The following PCDHGA7 variants were observed in gnomAD, a reference collection of about 807,000 sequenced individuals.
PCDHGA7 encodes protocadherin gamma subfamily A, 7, also known as protocadherin gamma-A7.
PCDHGA7 carries 44 observed loss-of-function variants against 58.3 expected under a neutral mutation model. The ratio of observed to expected loss-of-function variants is 0.75; its 90% CI spans 0.59 to 0.97. PCDHGA7 has a LOEUF of 0.97. PCDHGA7 is among the 50% of genes least tolerant of loss of function. The pLI is 0.00. For missense variants in PCDHGA7, 1,266 were observed against 1,188.7 expected (o/e 1.06, Z -0.96); for synonymous variants, 516 against 504.2 (o/e 1.02, Z -0.31).
At chr5:141,390,146 T>C (rs2092063198) in intron 1 of PCDHGA7, 1 of 1,614,026 alleles carries the variant, frequency 6.2e-7, no homozygotes, top group Non-Finnish European at 8.5e-7. Context: ...ATCTATGTGT[T>C]GCACATACAG....
chr5:141,415,269 G>T, intron 1 of PCDHGA7: 1 of 1,614,228 alleles, frequency 6.2e-7, no homozygotes, highest in African/African-American at 1.3e-5. Flanking sequence ...TGTACCTGGT[G>T]GTAGCGGTGG....
chr5:141,423,382 C>G, intron 1 of PCDHGA7: 1 of 1,614,118 alleles, frequency 6.2e-7, no homozygotes, highest in Non-Finnish European at 8.5e-7. Flanking sequence ...CAGGCTGTGG[C>G]GCTGGCATAA....
intron 1 of PCDHGA7, among the ~76,000 whole-genome samples, chr5:141,445,320 A>G (rs1462989860): frequency 1.3e-5 from 2 of 152,188 alleles, no homozygotes; most frequent in Non-Finnish European, 2.9e-5. Flanking sequence ...GGTTGAGAGA[A>G]CCCATCCAGA....
chr5:141,404,754 A>G, intron 1 of PCDHGA7: 1 of 1,612,286 alleles, frequency 6.2e-7, no homozygotes, highest in Non-Finnish European at 8.5e-7. Flanking sequence ...TCAGGCCAGA[A>G]TGCTTGGCTC....
chr5:141,444,900 T>C (rs997464788), intron 1 of PCDHGA7, among the ~76,000 whole-genome samples: 1 of 152,182 alleles, frequency 6.6e-6, no homozygotes, highest in Non-Finnish European at 1.5e-5. Context: ...TGGGATGGCA[T>C]TGCATCTATA....
intron 1 of PCDHGA7, chr5:141,408,762 A>G (rs369793035): frequency 1.9e-5 from 30 of 1,610,942 alleles, no homozygotes; most frequent in Non-Finnish European, 2.3e-5. Flanking sequence ...GTTAATTCCG[A>G]TGGTGGCAAA....
chr5:141,418,360 G>T (rs544948410), intron 1 of PCDHGA7: 4 of 1,613,990 alleles, frequency 2.5e-6, no homozygotes, highest in Non-Finnish European at 3.4e-6. Flanking sequence ...TGAATTCGCT[G>T]AGCAAATACC....
Position 141,431,581 on chromosome 5 carries a change from T to C in PCDHGA7, c.2424+46258T>C. The C allele has an allele frequency of 1.2e-6, 2 of 1,614,160 alleles. No individual in the cohort carries two copies. Among genetic ancestry groups the C allele is most frequent in the Non-Finnish European group, 1.7e-6 (2 of 1,180,022 alleles). ...CTACCGACCCTGACGAAGGAGTCAA[T>C]GCGGAAGTGAGGTATTCCTTCCGGT... On this transcript the variant is annotated intron_variant, in intron 1 of 3. Transcript: ENST00000518325. This position sits in a 1 kb window ranked among gnomAD's most constrained non-coding sequence, Gnocchi z 4.8.
At chr5:141,386,834 G>A (rs1253552836) in intron 1 of PCDHGA7, among the ~76,000 whole-genome samples, 1 of 152,192 alleles carries the variant, frequency 6.6e-6, no homozygotes, top group East Asian at 1.9e-4. Context: ...GCAATGGAGA[G>A]ACATAATCAC....
At chr5:141,473,010 AAAAG>A (rs1014377988) in intron 1 of PCDHGA7, among the ~76,000 whole-genome samples, 22 of 151,958 alleles carry the variant, frequency 1.4e-4, no homozygotes, top group Admixed American at 7.9e-4. Context: ...AAGAAAAAGA[AAAAG>A]AAAGAAGGAA....
Position 141,477,657 on chromosome 5 carries a change from G to C in PCDHGA7, c.2425-17150G>C. 4 of 1,614,190 alleles carry C rather than the reference G, an allele frequency of 2.5e-6. No individual in the cohort carries two copies. Among genetic ancestry groups the C allele is most frequent in the Non-Finnish European group, 3.4e-6 (4 of 1,180,038 alleles). The stretch of plus-strand genomic sequence containing the variant: ...GTGGGTCGCTATTTCACAATAAATC[G>C]TGACAATGGCATAGTGTCATCCTTA... On this transcript the variant is annotated intron_variant, in intron 1 of 3. Coordinates refer to ENST00000518325, the MANE Select transcript of PCDHGA7 (RefSeq NM_018920.4). The surrounding 1 kb of genome is among the most constrained non-coding windows in gnomAD (Gnocchi z 4.9).
chr5:141,466,118 G>A lies in PCDHGA7; in HGVS notation c.2425-28689G>A, dbSNP rs1299389265. ...GCCTGGGCAACAGAGTGAGACTCCA[G>A]CTCAAAAAAAAAATCAAGTGAAAAC... On this transcript the variant is annotated intron_variant, in intron 1 of 3. Coordinates refer to ENST00000518325, the MANE Select transcript of PCDHGA7 (RefSeq NM_018920.4). Among the ~76,000 whole-genome samples the A allele has an allele frequency of 2.0e-5, 3 of 151,096 alleles. No individual in the cohort carries two copies. The East Asian group carries it at 5.8e-4, about 29-fold the overall frequency.
Position 141,489,779 on chromosome 5 carries a change from T to C in PCDHGA7, c.2425-5028T>C, listed in dbSNP as rs1269302289. 1.9e-6 allele frequency: 3 copies of C among 1,614,168 alleles called. No homozygotes were observed. Among genetic ancestry groups the C allele is most frequent in the Non-Finnish European group, 2.5e-6 (3 of 1,179,996 alleles). On this transcript the variant is annotated intron_variant, in intron 1 of 3. Coordinates refer to ENST00000518325, the MANE Select transcript of PCDHGA7 (RefSeq NM_018920.4). The surrounding 1 kb of genome is among the most constrained non-coding windows in gnomAD (Gnocchi z 4.5). ...CTAAGCCCCAACAGCCACTTCTCTC[T>C]GAATGTGAAGACCCTAAAAGATGGG...
Position 141,489,555 on chromosome 5 carries a change from A to G in PCDHGA7, c.2425-5252A>G, listed in dbSNP as rs909307566. ...GAGCCAGCACCAGCTGCCTGCTGCC[A>G]GTGCAGGTGGTGACTGAACACCCCC... is the stretch of plus-strand genomic sequence containing the variant. On this transcript the variant is annotated intron_variant, in intron 1 of 3. Transcript: ENST00000518325. The surrounding 1 kb of genome is among the most constrained non-coding windows in gnomAD (Gnocchi z 4.5). 2.5e-6 allele frequency: 4 copies of G among 1,613,998 alleles called. No homozygotes were observed. The African/African-American group carries it at 5.3e-5, about 22-fold the overall frequency.
chr5:141,479,860 C>T (rs1374284598), intron 1 of PCDHGA7, among the ~76,000 whole-genome samples: 2 of 152,108 alleles, frequency 1.3e-5, no homozygotes, highest in Admixed American at 6.5e-5. Context: ...AAGGCCTTTG[C>T]CCTGGAGAGA....
rs1177173734 is a variant in PCDHGA7, at chr5:141,491,741, G to A, written c.2425-3066G>A. ...CCGCCCCGGGCGACCCCTGGGGGCG[G>A]CACTGGAGAAGCCGCCCGTCCTCAT... On this transcript the variant is annotated intron_variant, in intron 1 of 3. Coordinates refer to ENST00000518325, the MANE Select transcript of PCDHGA7 (RefSeq NM_018920.4). The surrounding 1 kb of genome is among the most constrained non-coding windows in gnomAD (Gnocchi z 6.9). 1.9e-6 allele frequency: 3 copies of A among 1,595,644 alleles called. No homozygotes were observed. In the South Asian group the frequency reaches 3.4e-5, roughly 18 times the overall value.
intron 1 of PCDHGA7, among the ~76,000 whole-genome samples, chr5:141,402,682 T>C (rs1012328239): frequency 2.0e-5 from 3 of 152,256 alleles, no homozygotes; most frequent in South Asian, 4.1e-4. Context: ...CCATCTGATA[T>C]AATGTTACAC....
intron 1 of PCDHGA7, among the ~76,000 whole-genome samples, chr5:141,453,101 T>TTTTTG (rs879618609): frequency 3.2e-4 from 49 of 152,130 alleles, no homozygotes; most frequent in Middle Eastern, 6.8e-3. Flanking sequence ...TTCTGTTGCT[T>TTTTTG]TTTTGTTTTG....
Position 141,511,995 on chromosome 5 carries a change from A to G in PCDHGA7, c.*822A>G, listed in dbSNP as rs1049905198. The G allele has an allele frequency of 1.3e-5, 2 of 153,074 alleles. No homozygotes were observed. The highest frequency in any genetic ancestry group is 4.8e-5 in the African/African-American group (2 of 41,464). The allele number at this position is 153,074 out of a possible 1,614,324, so 9.5% of individuals were successfully genotyped here. On this transcript the variant is annotated 3_prime_UTR_variant, in exon 4 of 4. Transcript: ENST00000518325. The stretch of plus-strand genomic sequence containing the variant: ...GGATGTGGATGGTGGGGGCATGGAC[A>G]AAGCTTGACACATCAAGTTATCAAG...
Sources: gnomAD v4.1 joint callset for allele counts (sites outside exome capture counted in the v4.1 genomes callset) on GRCh38, gnomAD v4.1.1 for gene constraint, Gnocchi (gnomAD v3.1) non-coding constraint, MANE v1.5 for transcripts, NCBI Gene and HGNC (gene_info 2026-07-23, HGNC 2026-07-21) for gene names.